CAMTA1: variants seen among roughly 807,000 people sequenced by gnomAD.
CAMTA1 encodes the protein calmodulin binding transcription activator 1, also known as calmodulin-binding transcription activator 1.
Under a neutral mutation model 170.9 loss-of-function variants are expected in CAMTA1, and 27 were observed. The ratio of observed to expected loss-of-function variants is 0.16; its 90% CI spans 0.12 to 0.22. The LOEUF (loss-of-function observed/expected upper bound fraction) is 0.22, where lower values mean the gene tolerates loss of function less well. Ranked by LOEUF, CAMTA1 falls within the 10% of genes least tolerant of loss-of-function variation. CAMTA1 has a pLI of 1.00. For synonymous variants in CAMTA1, 833 were observed against 891.5 expected (o/e 0.93, Z 1.17); for missense variants, 1,619 against 2,217.2 (o/e 0.73, Z 5.42).
intron 6 of CAMTA1, among the ~76,000 whole-genome samples, chr1:7,498,248 G>A (rs1305607858): frequency 7.0e-6 from 1 of 143,772 alleles, no homozygotes; most frequent in Non-Finnish European, 1.5e-5. Flanking sequence ...GTGGATGTGT[G>A]GGAGAGTGTA....
intron 5 of CAMTA1, among the ~76,000 whole-genome samples, chr1:7,339,271 T>C (rs1018611252): frequency 9.9e-5 from 15 of 152,236 alleles, no homozygotes; most frequent in African/African-American, 3.1e-4. Flanking sequence ...AATGGAAGAA[T>C]TGTACGGAAT....
chr1:7,557,158 A>C (rs1377947887), intron 6 of CAMTA1, among the ~76,000 whole-genome samples: 4 of 152,050 alleles, frequency 2.6e-5, no homozygotes, highest in African/African-American at 4.8e-5. Flanking sequence ...AATACAAAAA[A>C]TTAGCGGGGC....
intron 5 of CAMTA1, among the ~76,000 whole-genome samples, chr1:7,419,820 A>G (rs2091440635): frequency 6.6e-6 from 1 of 151,976 alleles, no homozygotes; most frequent in South Asian, 2.1e-4. Flanking sequence ...AGCATCATCC[A>G]TGGCCCACCC....
chr1:7,124,332 A>G (rs1350501331), intron 4 of CAMTA1, among the ~76,000 whole-genome samples: 2 of 152,150 alleles, frequency 1.3e-5, no homozygotes, highest in South Asian at 2.1e-4. Flanking sequence ...CTCCCTGCAC[A>G]CACACTGTCC....
chr1:6,972,102 C>T (rs1557906289), intron 3 of CAMTA1, among the ~76,000 whole-genome samples: 1 of 152,150 alleles, frequency 6.6e-6, no homozygotes, highest in Admixed American at 6.5e-5. Context: ...CTTTGCTTCT[C>T]ATTTTCCTCC....
chr1:7,427,598 G>T (rs1360515137), intron 5 of CAMTA1, among the ~76,000 whole-genome samples: 1 of 152,220 alleles, frequency 6.6e-6, no homozygotes, highest in Non-Finnish European at 1.5e-5. Context: ...CTTCCCAGCA[G>T]TGAGTGCATA....
intron 3 of CAMTA1, among the ~76,000 whole-genome samples, chr1:7,018,075 C>T (rs1321453692): frequency 3.1e-4 from 40 of 129,576 alleles, no homozygotes; most frequent in East Asian, 1.1e-3. Flanking sequence ...GCCATCCTCC[C>T]GCCTCAGCCT....
chr1:7,012,900 C>T (rs755555141), intron 3 of CAMTA1, among the ~76,000 whole-genome samples: 10 of 152,154 alleles, frequency 6.6e-5, no homozygotes, highest in African/African-American at 9.7e-5. Flanking sequence ...AGCTGCTTCT[C>T]GGGAACCTCC....
At chr1:6,920,340 C>T (rs1308151092) in intron 3 of CAMTA1, among the ~76,000 whole-genome samples, 2 of 152,322 alleles carry the variant, frequency 1.3e-5, no homozygotes, top group Non-Finnish European at 1.5e-5. Context: ...CACGATGGTG[C>T]AAGAGGTGGG....
chr1:7,100,571 G>A (rs973882817), intron 4 of CAMTA1, among the ~76,000 whole-genome samples: 3 of 152,220 alleles, frequency 2.0e-5, no homozygotes, highest in Non-Finnish European at 4.4e-5. Context: ...GCAGTTTGGA[G>A]GTTTCTAAGT....
At position 6,809,325 on chromosome 1, in the gene CAMTA1, C is replaced by T. The variant is rs544028303; in HGVS notation, c.46-10856C>T. ...TACAGACGTGAGCCACCGCGCCTGG[C>T]CGGTATCGCTGTTTTTAAGGCGTCA... On this transcript the variant is annotated intron_variant, in intron 1 of 22. Coordinates refer to ENST00000303635, the MANE Select transcript of CAMTA1 (RefSeq NM_015215.4). 9.2e-5 allele frequency among the ~76,000 whole-genome samples: 14 copies of T among 152,230 alleles called. No homozygotes were observed. The Middle Eastern group carries it at 0.01, about 111-fold the overall frequency.
chr1:6,948,294 C>CCTA (rs1687889474), intron 3 of CAMTA1, among the ~76,000 whole-genome samples: 1 of 152,156 alleles, frequency 6.6e-6, no homozygotes, highest in Admixed American at 6.5e-5. Context: ...GGGGGAGGTA[C>CCTA]CAGCCAACCT....
chr1:7,291,983 G>T (rs1021715227), intron 5 of CAMTA1, among the ~76,000 whole-genome samples: 2 of 152,166 alleles, frequency 1.3e-5, no homozygotes, highest in Non-Finnish European at 2.9e-5. Flanking sequence ...GCTGGTGTGT[G>T]CATTGCAGGG....
intron 7 of CAMTA1, among the ~76,000 whole-genome samples, chr1:7,647,548 G>T (rs1252018948): frequency 2.0e-5 from 3 of 152,162 alleles, no homozygotes; most frequent in Non-Finnish European, 4.4e-5. Flanking sequence ...TCTGAGATGT[G>T]CTAGGAGGCT....
intron 5 of CAMTA1, among the ~76,000 whole-genome samples, chr1:7,442,818 G>A (rs1016520043): frequency 6.6e-6 from 1 of 152,170 alleles, no homozygotes; most frequent in African/African-American, 2.4e-5. Context: ...CTGTATGTCA[G>A]TACTGTGCTG....
Position 7,167,251 on chromosome 1 carries a change from T to C in CAMTA1, c.302+75880T>C, listed in dbSNP as rs540227861. Reference sequence around the variant, plus strand: ...TTTCACATCCAAGTTTTAATCTATCTAAAATTCATTTTGTGTAGGAAAATT... The same window carrying C: ...TTTCACATCCAAGTTTTAATCTATCCAAAATTCATTTTGTGTAGGAAAATT... On this transcript the variant is annotated intron_variant, in intron 4 of 22. Coordinates refer to ENST00000303635, the MANE Select transcript of CAMTA1 (RefSeq NM_015215.4). Among the ~76,000 whole-genome samples the C allele has an allele frequency of 7.2e-5, 11 of 152,376 alleles. No homozygotes were observed. The South Asian group carries it at 2.3e-3, about 32-fold the overall frequency.
chr1:7,615,878 C>T (rs909269537), intron 6 of CAMTA1, among the ~76,000 whole-genome samples: 3 of 152,252 alleles, frequency 2.0e-5, no homozygotes, highest in African/African-American at 7.2e-5. Flanking sequence ...TCAGTTTCTC[C>T]ATTTGCTGAG....
At chr1:7,586,180 A>G (rs150936551) in intron 6 of CAMTA1, among the ~76,000 whole-genome samples, 1,888 of 152,040 alleles carry the variant, frequency 0.012, 70 homozygotes, top group African/African-American at 0.043. Flanking sequence ...GGCCCCGGGC[A>G]CCCTCCAGTG....
At chr1:6,866,999 G>A (rs1377341687) in intron 3 of CAMTA1, among the ~76,000 whole-genome samples, 1 of 152,248 alleles carries the variant, frequency 6.6e-6, no homozygotes, top group African/African-American at 2.4e-5. Flanking sequence ...ATGGCTGCGT[G>A]CCTAAAGCAC....
Sources: allele counts gnomAD v4.1 joint callset (sites outside exome capture counted in the v4.1 genomes callset), GRCh38; gene constraint gnomAD v4.1.1; transcripts MANE v1.5; gene names NCBI Gene and HGNC (gene_info 2026-07-23, HGNC 2026-07-21).